Variants in CLN6 observed in about 807,000 individuals in gnomAD.
CLN6 encodes the protein ceroid-lipofuscinosis neuronal protein 6.
In CLN6, 22 loss-of-function variants were observed where a neutral mutation model predicts 33.3. The observed-to-expected ratio is 0.66, with a 90% CI of 0.47 to 0.94. The LOEUF (loss-of-function observed/expected upper bound fraction) is 0.94. Among genes scored for constraint, CLN6 ranks in the 40% least tolerant of loss-of-function variants. CLN6 has a pLI of 0.00. For synonymous variants in CLN6, 201 were observed against 174.6 expected, an observed-to-expected ratio of 1.15 and a Z score of -1.19; for missense variants, 387 against 417.1, an observed-to-expected ratio of 0.93 and a Z score of 0.63.
At chr15:68,216,320 TG>T (rs1390785043) in intron 2 of CLN6, among the ~76,000 whole-genome samples, 1 of 152,160 alleles carries the variant, frequency 6.6e-6, no homozygotes, top group Non-Finnish European at 1.5e-5. Flanking sequence ...CCAGTCTTCT[TG>T]GAGAGAGAAA....
chr15:68,208,094 G>GGGCCCCCCC lies in CLN6; in HGVS notation c.*45_*46insGGGGGGGCC. On this transcript the variant is annotated 3_prime_UTR_variant, in exon 7 of 7. Coordinates refer to ENST00000249806, the MANE Select transcript of CLN6 (RefSeq NM_017882.3). The surrounding 1 kb of genome is among the most constrained non-coding windows in gnomAD (Gnocchi z 5.8). Reference sequence around the variant, plus strand: ...CTCCTGTATTCAGATGCCCTCCATGGCCCACCCTCCCACCCAGCAGAGCGC... The same window carrying GGGCCCCCCC: ...CTCCTGTATTCAGATGCCCTCCATGGGGCCCCCCCCCCACCCTCCCACCCAGCAGAGCGC... 6.7e-5 allele frequency: 92 copies of GGGCCCCCCC among 1,375,226 alleles called. No homozygotes were observed. The highest frequency in any genetic ancestry group is 2.5e-4 in the Middle Eastern group (1 of 3,978). The allele number at this position is 1,375,226 out of a possible 1,614,324, so 85.2% of individuals were successfully genotyped here.
At chr15:68,223,332 C>T (rs147257114) in intron 1 of CLN6, among the ~76,000 whole-genome samples, 3 of 152,198 alleles carry the variant, frequency 2.0e-5, no homozygotes, top group East Asian at 3.9e-4. Context: ...AGAGAAGGGA[C>T]GGGCGGCTCG....
rs974773306 is a variant in CLN6, at chr15:68,229,680, G to A, written c.-96C>T. On this transcript the variant is annotated 5_prime_UTR_variant, in exon 1 of 7. Transcript: ENST00000249806. The stretch of plus-strand genomic sequence containing the variant: ...AGGCCGCCGCAAATTCCCAGCGCGG[G>A]GCGGTTCGGGGCGGGCCGGCGAGAG... 4 of 993,254 alleles carry A rather than the reference G, an allele frequency of 4.0e-6. No homozygotes were observed. The African/African-American group carries it at 5.2e-5, about 13-fold the overall frequency. 61.5% of individuals were successfully genotyped at this position (993,254 alleles called of 1,614,324 possible).
chr15:68,228,126 G>T lies in CLN6; in HGVS notation c.83+1376C>A, dbSNP rs1255164326. On this transcript the variant is annotated intron_variant, in intron 1 of 6. Transcript: ENST00000249806. The surrounding 1 kb of genome is among the most constrained non-coding windows in gnomAD (Gnocchi z 4.4). The stretch of plus-strand genomic sequence containing the variant: ...TTAACTCACAGGCCGAGGGAGACAG[G>T]TGAGCTACAGTATGCGGTCTATGGC... Among the ~76,000 whole-genome samples the T allele has an allele frequency of 6.6e-6, 1 of 152,194 alleles. No individual in the cohort carries two copies. Among genetic ancestry groups the T allele is most frequent in the Non-Finnish European group, 1.5e-5 (1 of 68,032 alleles).
intron 2 of CLN6, chr15:68,214,692 G>A (rs2093215900): frequency 2.7e-6 from 1 of 374,954 alleles, no homozygotes; most frequent in Non-Finnish European, 5.2e-6. Flanking sequence ...AAATGACCCT[G>A]ATGCCAGCTT....
chr15:68,209,771 A>G lies in CLN6; in HGVS notation c.543-12T>C. 1 of 1,612,626 alleles carries G rather than the reference A, an allele frequency of 6.2e-7. No individual in the cohort carries two copies. Among genetic ancestry groups the G allele is most frequent in the Non-Finnish European group, 8.5e-7 (1 of 1,179,502 alleles). On this transcript the variant is annotated splice_polypyrimidine_tract_variant and intron_variant, in intron 5 of 6. Coordinates refer to ENST00000249806, the MANE Select transcript of CLN6 (RefSeq NM_017882.3). This position sits in a 1 kb window ranked among gnomAD's most constrained non-coding sequence, Gnocchi z 4.9. The stretch of plus-strand genomic sequence containing the variant: ...AGAAGGGGATGTACCTGTGACAGGA[A>G]GGCCAGTGTCTTAGAGGCCTGCTCA...
chr15:68,243,313 T>C (rs1413629796), intron 1 of CLN6, among the ~76,000 whole-genome samples: 1 of 152,224 alleles, frequency 6.6e-6, no homozygotes, highest in Non-Finnish European at 1.5e-5. Context: ...GGGGCCAGAA[T>C]CTCGGCCTAC....
chr15:68,227,036 C>CT lies in CLN6; in HGVS notation c.83+2465dup, dbSNP rs922791164. 1.2e-3 allele frequency among the ~76,000 whole-genome samples: 186 copies of CT among 150,406 alleles called. No individual in the cohort carries two copies. The highest frequency in any genetic ancestry group is 4.4e-3 in the African/African-American group (180 of 40,990). ...TAATTATAATACTTTCTTTTCTTTTCTTTTTTTACTTTTTTTTTTTTTTGA... is the reference window on the plus strand; with the variant it reads ...TAATTATAATACTTTCTTTTCTTTTCTTTTTTTTACTTTTTTTTTTTTTTGA... On this transcript the variant is annotated intron_variant, in intron 1 of 6. Transcript: ENST00000249806. The surrounding 1 kb of genome is among the most constrained non-coding windows in gnomAD (Gnocchi z 4.1).
rs2093257556 is a variant in CLN6 at position 68,228,135 on chromosome 15, A to G, written c.83+1367T>C. Reference sequence around the variant, plus strand: ...AGGCCGAGGGAGACAGGTGAGCTACAGTATGCGGTCTATGGCCAGTACATT... The same window carrying G: ...AGGCCGAGGGAGACAGGTGAGCTACGGTATGCGGTCTATGGCCAGTACATT... On this transcript the variant is annotated intron_variant, in intron 1 of 6. Coordinates refer to ENST00000249806, the MANE Select transcript of CLN6 (RefSeq NM_017882.3). This position sits in a 1 kb window ranked among gnomAD's most constrained non-coding sequence, Gnocchi z 4.4. Among the ~76,000 whole-genome samples the G allele has an allele frequency of 6.6e-6, 1 of 152,206 alleles. No homozygotes were observed. Among genetic ancestry groups the G allele is most frequent in the Admixed American group, 6.5e-5 (1 of 15,286 alleles).
At chr15:68,229,386 C>T (rs900333146) in intron 1 of CLN6, 116 bp downstream of exon 1, 2 of 773,824 alleles carry the variant, frequency 2.6e-6, no homozygotes, top group Non-Finnish European at 3.7e-6. Context: ...CGCTCCGCCC[C>T]GGCCAGCGCC....
chr15:68,230,603 A>G (rs944093130), upstream of CLN6, among the ~76,000 whole-genome samples: 4 of 152,154 alleles, frequency 2.6e-5, no homozygotes, highest in Non-Finnish European at 5.9e-5. The surrounding 1 kb of genome is among the most constrained non-coding windows in gnomAD (Gnocchi z 4.0). Context: ...AAATGGCTCA[A>G]CCCCTCACAG....
At position 68,208,413 on chromosome 15, in the gene CLN6, G is replaced by A. The variant is rs761161043; in HGVS notation, c.666-3C>T. ...TCTGGCCCTCGGTGACCAGGTACCT[G>A]GAAAGGCCAGGGGTGAGTGAGGCAG... On this transcript the variant is annotated splice_polypyrimidine_tract_variant and splice_region_variant and intron_variant, in intron 6 of 6. Transcript: ENST00000249806. The surrounding 1 kb of genome is among the most constrained non-coding windows in gnomAD (Gnocchi z 5.8). 6.8e-6 allele frequency: 11 copies of A among 1,612,118 alleles called. No individual in the cohort carries two copies. Among genetic ancestry groups the A allele is most frequent in the Admixed American group, 1.7e-5 (1 of 60,004 alleles).
At chr15:68,245,448 C>T (rs1241057277) in intron 1 of CLN6, among the ~76,000 whole-genome samples, 1 of 151,828 alleles carries the variant, frequency 6.6e-6, no homozygotes, top group Admixed American at 6.6e-5. Context: ...TCCTGTAGTC[C>T]CAGCTACTTG....
chr15:68,211,965 G>T lies in CLN6; in HGVS notation c.298-102C>A. 3 of 1,227,042 alleles carry T rather than the reference G, an allele frequency of 2.4e-6. No homozygotes were observed. The highest frequency in any genetic ancestry group is 3.5e-6 in the Non-Finnish European group (3 of 868,436). The allele number at this position is 1,227,042 out of a possible 1,614,324, so 76.0% of individuals were successfully genotyped here. A position where few individuals can be genotyped will look rare whatever the true frequency, so the allele number is the denominator to read the frequency against. Reference sequence around the variant, plus strand: ...ACCTGGGGTGGGATGGACGCTTCCAGCTGGAATGTCACTCCAAAAAGTGGC... The same window carrying T: ...ACCTGGGGTGGGATGGACGCTTCCATCTGGAATGTCACTCCAAAAAGTGGC... On this transcript the variant is annotated intron_variant, in intron 3 of 6. Transcript: ENST00000249806. The surrounding 1 kb of genome is among the most constrained non-coding windows in gnomAD (Gnocchi z 5.9).
At chr15:68,217,153 G>C (rs1413722959) in intron 2 of CLN6, among the ~76,000 whole-genome samples, 1 of 152,206 alleles carries the variant, frequency 6.6e-6, no homozygotes, top group South Asian at 2.1e-4. Context: ...CACTTATTGT[G>C]TTAGGCACTA....
In CLN6 at chr15:68,207,930, C is replaced by T. The variant is rs574486703; in HGVS notation, c.*210G>A. Reference sequence around the variant, plus strand: ...TGATCCAAATCAAACAGAAACTTGACGGAAATAGTAGAGTCTGAAAATGAT... The same window carrying T: ...TGATCCAAATCAAACAGAAACTTGATGGAAATAGTAGAGTCTGAAAATGAT... On this transcript the variant is annotated 3_prime_UTR_variant, in exon 7 of 7. Coordinates refer to ENST00000249806, the MANE Select transcript of CLN6 (RefSeq NM_017882.3). 8.9e-5 allele frequency: 54 copies of T among 605,456 alleles called. 1 individual carries two copies. The highest frequency in any genetic ancestry group is 7.0e-4 in the East Asian group (25 of 35,588). The allele number at this position is 605,456 out of a possible 1,614,324, so 37.5% of individuals were successfully genotyped here.
At chr15:68,245,713 C>G (rs1892323938) in intron 1 of CLN6, among the ~76,000 whole-genome samples, 1 of 152,056 alleles carries the variant, frequency 6.6e-6, no homozygotes, top group Admixed American at 6.6e-5. Flanking sequence ...AGTCAATTCT[C>G]TAATTAAGAG....
At position 68,241,973 on chromosome 15, in the gene CLN6, A is replaced by G. The variant is rs1892283522; in HGVS notation, c.179+14717T>C. Reference sequence around the variant, plus strand: ...AAGCAAACATACCCAATAAAAAGCAAAACAGGCCACACAGAGAAGACTAGA... The same window carrying G: ...AAGCAAACATACCCAATAAAAAGCAGAACAGGCCACACAGAGAAGACTAGA... On this transcript the variant is annotated intron_variant, in intron 1 of 6. Transcript: ENST00000538696. The surrounding 1 kb of genome is among the most constrained non-coding windows in gnomAD (Gnocchi z 4.2). Among the ~76,000 whole-genome samples, 1 of 152,214 alleles carries G rather than the reference A, an allele frequency of 6.6e-6. No homozygotes were observed. The highest frequency in any genetic ancestry group is 2.1e-4 in the South Asian group (1 of 4,834).
At chr15:68,252,922 C>A (rs1159431296) in intron 1 of CLN6, among the ~76,000 whole-genome samples, 1 of 152,172 alleles carries the variant, frequency 6.6e-6, no homozygotes, top group Non-Finnish European at 1.5e-5. Context: ...GCTAGTATTA[C>A]CTCTGGTGAG....
Sources: allele counts gnomAD v4.1 joint callset (sites outside exome capture counted in the v4.1 genomes callset), GRCh38; gene constraint gnomAD v4.1.1; non-coding constraint Gnocchi (gnomAD v3.1); transcripts MANE v1.5; gene names NCBI Gene and HGNC (gene_info 2026-07-23, HGNC 2026-07-21).